The following DNAH7 variants were observed in gnomAD, a reference collection of about 807,000 sequenced individuals.
DNAH7 encodes dynein axonemal heavy chain 7, also known as axonemal beta dynein heavy chain 7.
DNAH7 carries 397 observed loss-of-function variants against 444.6 expected under a neutral mutation model. The observed-to-expected ratio is 0.89, with a 90% confidence interval of 0.82 to 0.97. The LOEUF (loss-of-function observed/expected upper bound fraction) is 0.97, where lower values mean the gene tolerates loss of function less well. Among genes scored for constraint, DNAH7 ranks in the 50% least tolerant of loss-of-function variants. The pLI, the probability that DNAH7 is intolerant of heterozygous loss-of-function variation, is 0.00. For synonymous variants in DNAH7, 1,636 were observed against 1,624.4 expected (o/e 1.01, Z -0.17); for missense variants, 4,902 against 4,800.8 (o/e 1.02, Z -0.62).
intron 15 of DNAH7, among the ~76,000 whole-genome samples, chr2:195,972,852 T>C (rs1574921273): frequency 6.6e-6 from 1 of 152,306 alleles, no homozygotes; most frequent in South Asian, 2.1e-4. Context: ...AAGACAGACA[T>C]GGGCTCTGCC....
intron 5 of DNAH7, among the ~76,000 whole-genome samples, chr2:196,035,589 A>C (rs188941809): frequency 1.3e-5 from 2 of 152,350 alleles, no homozygotes; most frequent in Non-Finnish European, 2.9e-5. Context: ...CAGCAAGTAC[A>C]TAAACACACA....
At chr2:195,814,407 G>A (rs1195103500) in intron 51 of DNAH7, among the ~76,000 whole-genome samples, 1 of 152,028 alleles carries the variant, frequency 6.6e-6, no homozygotes, top group Non-Finnish European at 1.5e-5. Context: ...ATATCTTAAG[G>A]GACAAAAGCA....
chr2:195,940,511 G>A (rs866054338), intron 19 of DNAH7, among the ~76,000 whole-genome samples: 12 of 152,188 alleles, frequency 7.9e-5, no homozygotes, highest in Middle Eastern at 3.4e-3. Context: ...GGCAACACAA[G>A]CCAAAATTGA....
intron 48 of DNAH7, 82 bp downstream of exon 48, chr2:195,834,124 T>C (rs1474035111): frequency 1.4e-6 from 2 of 1,395,144 alleles, no homozygotes; most frequent in Non-Finnish European, 1.9e-6. Flanking sequence ...GGAGGATCGC[T>C]TGAAACAATC....
intron 54 of DNAH7, among the ~76,000 whole-genome samples, chr2:195,804,742 T>G (rs1244223373): frequency 6.6e-6 from 1 of 152,196 alleles, no homozygotes; most frequent in East Asian, 1.9e-4. Flanking sequence ...TCACATCTTA[T>G]TGGTCAAAGT....
intron 14 of DNAH7, among the ~76,000 whole-genome samples, chr2:195,984,955 GC>G (rs1692810221): frequency 6.6e-6 from 1 of 152,048 alleles, no homozygotes; most frequent in African/African-American, 2.4e-5. Context: ...TAGCATAATG[GC>G]CCTCAAGCAA....
chr2:196,028,248 G>A (rs1246444125), intron 5 of DNAH7, among the ~76,000 whole-genome samples: 3 of 152,078 alleles, frequency 2.0e-5, no homozygotes, highest in Non-Finnish European at 4.4e-5. Context: ...CAATTATATT[G>A]GAAGTTACTT....
chr2:195,783,983 G>A (rs895248659), intron 58 of DNAH7, among the ~76,000 whole-genome samples: 1 of 151,992 alleles, frequency 6.6e-6, no homozygotes, highest in African/African-American at 2.4e-5. Context: ...AAAAGGTATG[G>A]GGATTTCCCA....
intron 19 of DNAH7, among the ~76,000 whole-genome samples, chr2:195,943,950 T>C (rs1221213340): frequency 1.3e-5 from 2 of 152,128 alleles, no homozygotes; most frequent in Admixed American, 6.6e-5. Flanking sequence ...AACACAAATA[T>C]GCTCGCTTTT....
At chr2:196,003,402 A>C (rs1223283728) in intron 10 of DNAH7, among the ~76,000 whole-genome samples, 1 of 152,184 alleles carries the variant, frequency 6.6e-6, no homozygotes, top group East Asian at 1.9e-4. Flanking sequence ...TGTATTTTAA[A>C]AAGTATTCAA....
chr2:195,817,596 T>C, intron 50 of DNAH7, 100 bp downstream of exon 50: 1 of 1,245,138 alleles, frequency 8.0e-7, no homozygotes. Context: ...CCTTGCAGTA[T>C]TCCTATTAAA....
At chr2:195,778,048 GT>G (rs1190699185) in intron 58 of DNAH7, 63 bp from the exon 59 acceptor site, 1 of 1,370,004 alleles carries the variant, frequency 7.3e-7, no homozygotes, top group Non-Finnish European at 9.6e-7. Flanking sequence ...CGTGTTTCTT[GT>G]TTTTTCCTAT....
chr2:195,877,916 A>G (rs1391349668), intron 36 of DNAH7, among the ~76,000 whole-genome samples: 3 of 152,206 alleles, frequency 2.0e-5, no homozygotes, highest in Non-Finnish European at 4.4e-5. Flanking sequence ...AATAGCAAAA[A>G]CTGGGAATGG....
At chr2:195,829,954 A>T (rs955227065) in intron 48 of DNAH7, among the ~76,000 whole-genome samples, 2 of 152,104 alleles carry the variant, frequency 1.3e-5, no homozygotes, top group African/African-American at 4.8e-5. Context: ...TAAATTTTTT[A>T]AAAATTTAAA....
At chr2:195,938,579 G>A (rs2125423838) in intron 19 of DNAH7, among the ~76,000 whole-genome samples, 1 of 152,104 alleles carries the variant, frequency 6.6e-6, no homozygotes, top group South Asian at 2.1e-4. Context: ...AAAAATTATT[G>A]CAATGTTTCC....
intron 58 of DNAH7, among the ~76,000 whole-genome samples, chr2:195,782,227 T>C (rs1206489169): frequency 6.6e-6 from 1 of 152,224 alleles, no homozygotes; most frequent in Non-Finnish European, 1.5e-5. Flanking sequence ...ATTTCTAATG[T>C]TGATTGTTCA....
intron 19 of DNAH7, among the ~76,000 whole-genome samples, chr2:195,952,625 T>C (rs1690344090): frequency 2.0e-5 from 3 of 152,202 alleles, no homozygotes; most frequent in Admixed American, 2.0e-4. Flanking sequence ...GCTTTGTTCG[T>C]TCCTTTTCAT....
chr2:196,067,492 T>C (rs1327201551), intron 1 of DNAH7, among the ~76,000 whole-genome samples: 1 of 152,222 alleles, frequency 6.6e-6, no homozygotes, highest in Non-Finnish European at 1.5e-5. Flanking sequence ...TTTACTCTTT[T>C]ATTATTAATA....
intron 1 of DNAH7, among the ~76,000 whole-genome samples, chr2:196,061,625 C>A (rs955553139): frequency 6.6e-6 from 1 of 152,048 alleles, no homozygotes; most frequent in African/African-American, 2.4e-5. Flanking sequence ...GAACATATAT[C>A]CTGGATCCAA....
Sources: gnomAD v4.1 joint callset for allele counts (sites outside exome capture counted in the v4.1 genomes callset) on GRCh38, gnomAD v4.1.1 for gene constraint, MANE v1.5 for transcripts, NCBI Gene and HGNC (gene_info 2026-07-23, HGNC 2026-07-21) for gene names.